The following RIMS2 variants were observed in gnomAD, a reference collection of about 807,000 sequenced individuals.
The protein encoded by RIMS2 is regulating synaptic membrane exocytosis protein 2.
RIMS2 carries 59 observed loss-of-function variants against 174.4 expected under a neutral mutation model. That is an observed-to-expected ratio of 0.34 (90% confidence interval 0.27 to 0.42). The LOEUF is 0.42. Ranked by LOEUF, RIMS2 falls within the 10% of genes least tolerant of loss-of-function variation. The pLI, the probability that RIMS2 is intolerant of heterozygous loss-of-function variation, is 1.00. For synonymous variants in RIMS2, 606 were observed against 572.5 expected (o/e 1.06, Z -0.84); for missense variants, 1,620 against 1,666.3 (o/e 0.97, Z 0.48).
intron 19 of RIMS2, among the ~76,000 whole-genome samples, chr8:104,213,430 T>C (rs2099114360): frequency 6.6e-6 from 1 of 152,210 alleles, no homozygotes; most frequent in African/African-American, 2.4e-5. Flanking sequence ...TGAGTTAATT[T>C]TTGTGATTAT....
chr8:103,611,136 G>C (rs1299446398), intron 1 of RIMS2, among the ~76,000 whole-genome samples: 1 of 152,074 alleles, frequency 6.6e-6, no homozygotes, highest in Non-Finnish European at 1.5e-5. Context: ...AGTAGTCCCT[G>C]AGGGTTTTTT....
intron 1 of RIMS2, among the ~76,000 whole-genome samples, chr8:103,543,382 G>T (rs993539867): frequency 4.6e-5 from 7 of 152,120 alleles, no homozygotes. Context: ...TAAATGGATA[G>T]ATATATCGTT....
chr8:103,760,396 A>G (rs17235384), intron 2 of RIMS2, among the ~76,000 whole-genome samples: 34,946 of 152,186 alleles, frequency 0.23, 4,302 homozygotes, highest in Non-Finnish European at 0.25. Context: ...TTTACAGATG[A>G]CAGTATCTCT....
chr8:103,846,532 T>C (rs1479370577), intron 3 of RIMS2, among the ~76,000 whole-genome samples: 2 of 152,094 alleles, frequency 1.3e-5, no homozygotes, highest in African/African-American at 4.8e-5. Flanking sequence ...ATGGCTATCA[T>C]TTGAGGTTCT....
chr8:103,737,971 T>C (rs908843956), intron 2 of RIMS2, among the ~76,000 whole-genome samples: 2 of 152,202 alleles, frequency 1.3e-5, no homozygotes, highest in African/African-American at 2.4e-5. Flanking sequence ...TGTTTACTTG[T>C]TTATTGTGTA....
intron 3 of RIMS2, among the ~76,000 whole-genome samples, chr8:103,766,917 T>C (rs1000467805): frequency 6.6e-6 from 1 of 152,142 alleles, no homozygotes; most frequent in African/African-American, 2.4e-5. Flanking sequence ...GTTAAGGTAA[T>C]AGGGAAGGTT....
At chr8:103,834,671 G>A (rs1034543092) in intron 3 of RIMS2, among the ~76,000 whole-genome samples, 116 of 118,298 alleles carry the variant, frequency 9.8e-4, no homozygotes, top group African/African-American at 3.4e-3. Flanking sequence ...AAGCCTCTGA[G>A]GTCTTTTTCT....
chr8:103,670,656 A>T (rs1455484155), intron 1 of RIMS2, among the ~76,000 whole-genome samples: 1 of 152,216 alleles, frequency 6.6e-6, no homozygotes, highest in Non-Finnish European at 1.5e-5. Flanking sequence ...AAATGTTGCC[A>T]GTCTCTTTGC....
chr8:103,614,424 A>C (rs1454937689), intron 1 of RIMS2, among the ~76,000 whole-genome samples: 1 of 152,244 alleles, frequency 6.6e-6, no homozygotes, highest in Non-Finnish European at 1.5e-5. Flanking sequence ...GAGGTGTGGC[A>C]CTGGCTATTT....
intron 19 of RIMS2, among the ~76,000 whole-genome samples, chr8:104,228,028 T>C (rs1185175166): frequency 6.7e-5 from 10 of 150,194 alleles, no homozygotes; most frequent in East Asian, 1.9e-4. Flanking sequence ...TCTTTTCTTT[T>C]TTTTTTTTTT....
At chr8:104,223,311 C>T (rs543034061) in intron 19 of RIMS2, 1 of 978,298 alleles carries the variant, frequency 1.0e-6, no homozygotes, top group Admixed American at 5.6e-5. Flanking sequence ...AGCGGCATCT[C>T]CCTGCGCGGG....
intron 3 of RIMS2, among the ~76,000 whole-genome samples, chr8:103,844,810 T>A (rs2098959340): frequency 6.6e-6 from 1 of 152,102 alleles, no homozygotes; most frequent in Non-Finnish European, 1.5e-5. Context: ...GTATCTACCT[T>A]TTGTTTCTGC....
intron 1 of RIMS2, among the ~76,000 whole-genome samples, chr8:103,552,144 GAA>G (rs1848249412): frequency 6.6e-6 from 1 of 151,980 alleles, no homozygotes; most frequent in Non-Finnish European, 1.5e-5. Context: ...ATATTGGCAA[GAA>G]TATCCTAAGC....
chr8:103,939,126 T>G (rs990765130), intron 13 of RIMS2, among the ~76,000 whole-genome samples: 4 of 152,198 alleles, frequency 2.6e-5, no homozygotes, highest in Non-Finnish European at 4.4e-5. Flanking sequence ...GGTGCCCCAG[T>G]AGGGACTCTG....
intron 3 of RIMS2, among the ~76,000 whole-genome samples, chr8:103,839,832 A>G (rs2098929029): frequency 1.3e-5 from 2 of 152,238 alleles, no homozygotes; most frequent in Admixed American, 6.5e-5. Context: ...TCATTACTAA[A>G]AGAAGTTTCT....
chr8:103,695,702 G>A (rs968830777), intron 1 of RIMS2, among the ~76,000 whole-genome samples: 1 of 150,470 alleles, frequency 6.6e-6, no homozygotes, highest in Admixed American at 6.6e-5. Flanking sequence ...TAATTTTACT[G>A]TGTATGAGAT....
Position 103,951,112 on chromosome 8 carries a change from C to T in RIMS2, c.2701+8186C>T, listed in dbSNP as rs191335468. 2.0e-4 allele frequency among the ~76,000 whole-genome samples: 30 copies of T among 152,330 alleles called. No individual in the cohort carries two copies. In the East Asian group the frequency reaches 4.4e-3, roughly 23 times the overall value. ...TTCATCACATAATCAAAACTAAATA[C>T]AAAAATCACATAATCATTTCAATAG... On this transcript the variant is annotated intron_variant, in intron 14 of 23. Coordinates refer to ENST00000504942, the Ensembl canonical transcript of RIMS2.
At chr8:103,936,783 T>A in intron 13 of RIMS2, 61 bp downstream of exon 15, 1 of 1,248,086 alleles carries the variant, frequency 8.0e-7, no homozygotes, top group Non-Finnish European at 1.1e-6. Context: ...TTTATTTATA[T>A]AACTGTCAGT....
chr8:103,609,083 G>A (rs2095270103), intron 1 of RIMS2, among the ~76,000 whole-genome samples: 1 of 152,214 alleles, frequency 6.6e-6, no homozygotes, highest in South Asian at 2.1e-4. Context: ...TTTTGGTTTT[G>A]ATTTGCGTTT....
Sources: gnomAD v4.1 joint callset for allele counts (sites outside exome capture counted in the v4.1 genomes callset) on GRCh38, gnomAD v4.1.1 for gene constraint, MANE v1.5 for transcripts, NCBI Gene and HGNC (gene_info 2026-07-23, HGNC 2026-07-21) for gene names.